SPOCK1: variants seen among roughly 807,000 people sequenced by gnomAD.
The protein encoded by SPOCK1 is testican-1.
In SPOCK1, 23 loss-of-function variants were observed where a neutral mutation model predicts 55.3. The observed-to-expected ratio is 0.42, with a 90% confidence interval of 0.30 to 0.59. SPOCK1 has a LOEUF of 0.59. Among genes scored for constraint, SPOCK1 ranks in the 20% least tolerant of loss-of-function variants. The pLI is 0.22. For synonymous variants in SPOCK1, 226 were observed against 221.0 expected (o/e 1.02, Z -0.20); for missense variants, 499 against 552.5 (o/e 0.90, Z 0.97).
chr5:137,454,374 T>C (rs541176362), intron 2 of SPOCK1, among the ~76,000 whole-genome samples: 1 of 152,276 alleles, frequency 6.6e-6, no homozygotes, highest in African/African-American at 2.4e-5. Flanking sequence ...ATTCGGAGGA[T>C]CACTGAGCTC....
chr5:137,278,334 C>T (rs1245166978), intron 2 of SPOCK1, among the ~76,000 whole-genome samples: 1 of 152,192 alleles, frequency 6.6e-6, no homozygotes, highest in Non-Finnish European at 1.5e-5. Flanking sequence ...CTGTCTTGAT[C>T]TGATAATTCT....
Position 137,498,012 on chromosome 5 carries a change from G to T in SPOCK1, c.186+361C>A, listed in dbSNP as rs75295488. 5.1e-4 allele frequency among the ~76,000 whole-genome samples: 77 copies of T among 152,204 alleles called. 1 individual carries two copies. In the East Asian group the frequency reaches 0.015, roughly 29 times the overall value. The stretch of plus-strand genomic sequence containing the variant: ...CGGGGAGGTTTTCTCCGGAGCTAGG[G>T]AAAGTCTACCATCACGGTTAGGAGA... On this transcript the variant is annotated intron_variant, in intron 2 of 10. Transcript: ENST00000394945.
chr5:137,164,605 C>A (rs1253366828), intron 3 of SPOCK1, among the ~76,000 whole-genome samples: 2 of 152,154 alleles, frequency 1.3e-5, no homozygotes, highest in African/African-American at 4.8e-5. Flanking sequence ...GAGTACCAAG[C>A]AAGCTCTTGG....
intron 5 of SPOCK1, among the ~76,000 whole-genome samples, chr5:137,098,435 G>A (rs2127023696): frequency 6.6e-6 from 1 of 152,268 alleles, no homozygotes; most frequent in East Asian, 1.9e-4. Flanking sequence ...GCCCAGCAGG[G>A]GCCTGGCAAA....
intron 2 of SPOCK1, among the ~76,000 whole-genome samples, chr5:137,307,073 A>G (rs1233418807): frequency 6.6e-6 from 1 of 152,184 alleles, no homozygotes; most frequent in Non-Finnish European, 1.5e-5. Flanking sequence ...TATCTAACCT[A>G]TTTGAGCCTC....
chr5:137,390,651 C>T (rs1170804752), intron 2 of SPOCK1, among the ~76,000 whole-genome samples: 2 of 152,196 alleles, frequency 1.3e-5, no homozygotes, highest in African/African-American at 4.8e-5. Context: ...ATGTTCTCAA[C>T]TACCAGAGGC....
chr5:137,485,935 T>C (rs1284728085), intron 2 of SPOCK1, among the ~76,000 whole-genome samples: 1 of 152,170 alleles, frequency 6.6e-6, no homozygotes, highest in Non-Finnish European at 1.5e-5. Flanking sequence ...TGTGTTCACT[T>C]TGAGAAACTG....
chr5:137,376,777 C>A (rs886263203), intron 2 of SPOCK1, among the ~76,000 whole-genome samples: 1 of 152,000 alleles, frequency 6.6e-6, no homozygotes, highest in South Asian at 2.1e-4. Flanking sequence ...AAGCTGTCTC[C>A]AACCTTTGTC....
At chr5:137,020,080 A>T (rs1007900147) in intron 6 of SPOCK1, among the ~76,000 whole-genome samples, 3 of 151,802 alleles carry the variant, frequency 2.0e-5, no homozygotes, top group Admixed American at 6.6e-5. Flanking sequence ...TAATGAGCAT[A>T]AAAAAATAGG....
At chr5:137,203,358 G>C (rs1258685672) in intron 3 of SPOCK1, among the ~76,000 whole-genome samples, 1 of 151,984 alleles carries the variant, frequency 6.6e-6, no homozygotes, top group Non-Finnish European at 1.5e-5. Flanking sequence ...AGGTTCACGA[G>C]AGCTTCAGCA....
At chr5:137,123,203 G>C (rs1753720089) in intron 4 of SPOCK1, among the ~76,000 whole-genome samples, 1 of 152,200 alleles carries the variant, frequency 6.6e-6, no homozygotes, top group Non-Finnish European at 1.5e-5. Flanking sequence ...TTGGAGGAGA[G>C]GAGACGGAGC....
At chr5:137,032,107 T>C (rs1178356631) in intron 6 of SPOCK1, among the ~76,000 whole-genome samples, 2 of 151,212 alleles carry the variant, frequency 1.3e-5, no homozygotes, top group African/African-American at 4.8e-5. Context: ...ATTTCTTTTT[T>C]GGCATTCTCT....
At chr5:137,212,016 G>C (rs1015239918) in intron 3 of SPOCK1, among the ~76,000 whole-genome samples, 1 of 152,192 alleles carries the variant, frequency 6.6e-6, no homozygotes, top group Non-Finnish European at 1.5e-5. Flanking sequence ...AATCAAAGCT[G>C]AGAAGAGGGT....
At chr5:136,995,795 C>T (rs760089437) in intron 6 of SPOCK1, among the ~76,000 whole-genome samples, 6 of 152,100 alleles carry the variant, frequency 3.9e-5, no homozygotes, top group Non-Finnish European at 7.3e-5. Flanking sequence ...GATGTCTGAT[C>T]GGATCAGGCA....
At chr5:137,068,753 G>A (rs1752554261) in intron 5 of SPOCK1, among the ~76,000 whole-genome samples, 1 of 152,176 alleles carries the variant, frequency 6.6e-6, no homozygotes, top group Admixed American at 6.5e-5. Flanking sequence ...GTGTATATGG[G>A]GCTTCGGAAT....
At chr5:137,012,852 C>G (rs2126975467) in intron 6 of SPOCK1, among the ~76,000 whole-genome samples, 1 of 152,200 alleles carries the variant, frequency 6.6e-6, no homozygotes, top group African/African-American at 2.4e-5. Flanking sequence ...GAAATAATGT[C>G]TAATATTAGG....
chr5:137,031,795 T>A (rs1751784667), intron 6 of SPOCK1, among the ~76,000 whole-genome samples: 1 of 152,050 alleles, frequency 6.6e-6, no homozygotes, highest in Admixed American at 6.6e-5. Flanking sequence ...ACTCTTTTTA[T>A]CATAATCAAG....
intron 6 of SPOCK1, among the ~76,000 whole-genome samples, chr5:137,052,340 G>A (rs1486640881): frequency 1.3e-5 from 2 of 152,184 alleles, no homozygotes; most frequent in African/African-American, 4.8e-5. Flanking sequence ...TGCTAAGAAA[G>A]CTACCTTTTT....
intron 3 of SPOCK1, among the ~76,000 whole-genome samples, chr5:137,239,051 G>C (rs1756235440): frequency 6.6e-6 from 1 of 152,172 alleles, no homozygotes; most frequent in Non-Finnish European, 1.5e-5. Flanking sequence ...CTGAAGGATG[G>C]GGGCTGGTTT....
Sources: gnomAD v4.1 joint callset for allele counts (sites outside exome capture counted in the v4.1 genomes callset) on GRCh38, gnomAD v4.1.1 for gene constraint, MANE v1.5 for transcripts, NCBI Gene and HGNC (gene_info 2026-07-23, HGNC 2026-07-21) for gene names.